Variants in ERBB4 observed in about 807,000 individuals in gnomAD.
ERBB4 encodes receptor tyrosine-protein kinase erbB-4.
ERBB4 carries 42 observed loss-of-function variants against 158.0 expected under a neutral mutation model. The ratio of observed to expected loss-of-function variants is 0.27; its 90% confidence interval spans 0.21 to 0.34. ERBB4 has a LOEUF of 0.34. Ranked by LOEUF, ERBB4 falls within the 10% of genes least tolerant of loss-of-function variation. The pLI is 1.00. For missense variants in ERBB4, 1,333 were observed against 1,624.1 expected (o/e 0.82, Z 3.08); for synonymous variants, 583 against 558.7 (o/e 1.04, Z -0.61).
At chr2:212,271,818 C>T (rs2085354590) in intron 1 of ERBB4, among the ~76,000 whole-genome samples, 1 of 151,732 alleles carries the variant, frequency 6.6e-6, no homozygotes, top group African/African-American at 2.4e-5. Flanking sequence ...CAGGTTGATA[C>T]ATATCTACAT....
intron 1 of ERBB4, among the ~76,000 whole-genome samples, chr2:212,203,762 T>C (rs1317404995): frequency 1.3e-5 from 2 of 152,180 alleles, no homozygotes; most frequent in African/African-American, 4.8e-5. Flanking sequence ...AAGTCACTAA[T>C]CAACCACTTA....
At chr2:212,343,394 T>G (rs1189156768) in intron 1 of ERBB4, among the ~76,000 whole-genome samples, 2 of 152,176 alleles carry the variant, frequency 1.3e-5, no homozygotes, top group African/African-American at 4.8e-5. Flanking sequence ...AAATTGCTAA[T>G]TTTGTTCAGT....
intron 1 of ERBB4, among the ~76,000 whole-genome samples, chr2:212,193,136 T>C (rs2082323304): frequency 6.6e-6 from 1 of 152,152 alleles, no homozygotes; most frequent in African/African-American, 2.4e-5. Flanking sequence ...GGTTTGGATA[T>C]AGCTGGACTG....
At chr2:212,488,222 G>A (rs555495197) in intron 1 of ERBB4, among the ~76,000 whole-genome samples, 51 of 151,924 alleles carry the variant, frequency 3.4e-4, no homozygotes, top group African/African-American at 1.1e-3. Flanking sequence ...GTGACCCTTG[G>A]AATCACCATT....
intron 20 of ERBB4, among the ~76,000 whole-genome samples, chr2:211,441,213 C>T (rs1027459101): frequency 6.6e-6 from 1 of 152,090 alleles, no homozygotes; most frequent in Admixed American, 6.6e-5. Flanking sequence ...CCATCTAGTT[C>T]CTGCATAAAG....
rs995915153 is a variant in ERBB4 at position 211,773,384 on chromosome 2, T to A, written c.556+14641A>T. Among the ~76,000 whole-genome samples, 10 of 151,378 alleles carry A rather than the reference T, an allele frequency of 6.6e-5. No individual in the cohort carries two copies. In the South Asian group the frequency reaches 1.3e-3, roughly 19 times the overall value. ...GTTTACTTTTTATGTACTTATTACA[T>A]ACAAATGAATTTTTTATATACTCAT... On this transcript the variant is annotated intron_variant, in intron 4 of 27. Transcript: ENST00000342788.
At chr2:212,080,483 CT>C (rs934498688) in intron 2 of ERBB4, among the ~76,000 whole-genome samples, 5 of 151,258 alleles carry the variant, frequency 3.3e-5, no homozygotes, top group Non-Finnish European at 7.4e-5. Flanking sequence ...GTTATTCAGT[CT>C]CATGCTTACC....
intron 2 of ERBB4, among the ~76,000 whole-genome samples, chr2:212,069,594 C>T (rs116584746): frequency 0.044 from 6,680 of 151,878 alleles, 199 homozygotes; most frequent in Middle Eastern, 0.065. Flanking sequence ...AAAAGGTGTT[C>T]GGTTTAAACA....
intron 19 of ERBB4, among the ~76,000 whole-genome samples, chr2:211,591,281 C>G (rs772542495): frequency 6.6e-6 from 1 of 152,160 alleles, no homozygotes; most frequent in Non-Finnish European, 1.5e-5. Context: ...TATCTGCCAA[C>G]GAAGGGGGAT....
intron 1 of ERBB4, among the ~76,000 whole-genome samples, chr2:212,481,184 C>A (rs1202591460): frequency 6.6e-6 from 1 of 151,790 alleles, no homozygotes; most frequent in Admixed American, 6.6e-5. Flanking sequence ...CAAATTATAT[C>A]ATATATGTTA....
At chr2:211,906,970 A>G (rs2079410178) in intron 3 of ERBB4, among the ~76,000 whole-genome samples, 1 of 151,588 alleles carries the variant, frequency 6.6e-6, no homozygotes, top group African/African-American at 2.4e-5. Context: ...AGTGGTGTGT[A>G]CCAGCGCTTG....
intron 20 of ERBB4, among the ~76,000 whole-genome samples, chr2:211,549,982 G>A (rs941082552): frequency 6.6e-6 from 1 of 152,084 alleles, no homozygotes; most frequent in South Asian, 2.1e-4. Flanking sequence ...AATTCTAATA[G>A]GTGCTCACCA....
At chr2:212,127,272 A>G (rs896492138) in intron 1 of ERBB4, among the ~76,000 whole-genome samples, 3 of 152,242 alleles carry the variant, frequency 2.0e-5, no homozygotes, top group Non-Finnish European at 4.4e-5. Flanking sequence ...AATGTGGCCC[A>G]ACACAAATTC....
intron 16 of ERBB4, among the ~76,000 whole-genome samples, chr2:211,649,014 T>C (rs911284035): frequency 2.2e-4 from 34 of 152,002 alleles, no homozygotes; most frequent in African/African-American, 8.2e-4. Flanking sequence ...AAACTGTGCC[T>C]ATGTTTGTTC....
At chr2:212,098,518 G>A (rs893535716) in intron 2 of ERBB4, among the ~76,000 whole-genome samples, 3 of 152,074 alleles carry the variant, frequency 2.0e-5, no homozygotes, top group African/African-American at 7.2e-5. Flanking sequence ...TTTGATGAAA[G>A]GAAACCCCCA....
At chr2:211,914,460 T>A (rs2079632055) in intron 3 of ERBB4, among the ~76,000 whole-genome samples, 1 of 152,126 alleles carries the variant, frequency 6.6e-6, no homozygotes, top group Admixed American at 6.5e-5. Context: ...AAATTTTGAT[T>A]TAAAGATTTT....
intron 1 of ERBB4, among the ~76,000 whole-genome samples, chr2:212,386,171 CTGAG>C (rs1411174960): frequency 6.6e-6 from 1 of 151,446 alleles, no homozygotes; most frequent in East Asian, 1.9e-4. Context: ...ATTTTTAGAA[CTGAG>C]TGTTTTTTAT....
At chr2:211,732,895 T>G (rs888479056) in intron 5 of ERBB4, among the ~76,000 whole-genome samples, 20 of 152,150 alleles carry the variant, frequency 1.3e-4, no homozygotes, top group Non-Finnish European at 2.9e-4. Context: ...GAGAATCACT[T>G]AAACCCGGGA....
intron 20 of ERBB4, among the ~76,000 whole-genome samples, chr2:211,550,265 A>C (rs534841708): frequency 6.6e-6 from 1 of 151,970 alleles, no homozygotes; most frequent in Non-Finnish European, 1.5e-5. Context: ...AAGTCTGTAC[A>C]TTTATTCATC....
Sources: gnomAD v4.1 joint callset for allele counts (sites outside exome capture counted in the v4.1 genomes callset) on GRCh38, gnomAD v4.1.1 for gene constraint, MANE v1.5 for transcripts, NCBI Gene and HGNC (gene_info 2026-07-23, HGNC 2026-07-21) for gene names.